Variants in GOLGA8B observed in about 807,000 individuals in gnomAD.
GOLGA8B encodes the protein golgin A8 family member B.
Under a neutral mutation model 15.6 loss-of-function variants are expected in GOLGA8B, and 1 was observed. That is an observed-to-expected ratio of 0.06 (90% CI 0.02 to 0.30). GOLGA8B has a LOEUF of 0.30. GOLGA8B is among the 10% of genes least tolerant of loss of function. The probability of loss-of-function intolerance (pLI) is 1.00; values close to 1 mark genes in which losing one functional copy is unlikely to be tolerated. For missense variants in GOLGA8B, 17 were observed against 201.3 expected (o/e 0.08, Z 5.54); for synonymous variants, 9 against 80.3 (o/e 0.11, Z 4.75).
chr15:34,578,431 T>C (rs762672340), intron 1 of GOLGA8B, among the ~76,000 whole-genome samples: 3 of 152,130 alleles, frequency 2.0e-5, no homozygotes, highest in Non-Finnish European at 4.4e-5. Context: ...GTCCTAGTCA[T>C]GCCCACCCCG....
At chr15:34,564,339 A>T in intron 1 of GOLGA8B, among the ~76,000 whole-genome samples, 2 of 127,408 alleles carry the variant, frequency 1.6e-5, no homozygotes, top group Non-Finnish European at 1.7e-5. Context: ...AGTTAGTTGT[A>T]GTAACTGTAG....
At chr15:34,569,803 C>A (rs1471062792) in intron 1 of GOLGA8B, among the ~76,000 whole-genome samples, 8 of 150,852 alleles carry the variant, frequency 5.3e-5, no homozygotes, top group Non-Finnish European at 1.2e-4. Flanking sequence ...CTCACAGCAA[C>A]TGGCAGCTCC....
chr15:34,561,312 A>G (rs77710594), intron 1 of GOLGA8B, among the ~76,000 whole-genome samples: 9,437 of 145,568 alleles, frequency 0.065, 69 homozygotes, highest in South Asian at 0.17. Context: ...GTAGTAATAC[A>G]CTTGTAACAT....
chr15:34,573,619 T>C, intron 1 of GOLGA8B, among the ~76,000 whole-genome samples: 1 of 151,798 alleles, frequency 6.6e-6, no homozygotes, highest in Non-Finnish European at 1.5e-5. Flanking sequence ...ATCGAGTCCG[T>C]TTTTCTGAAA....
At chr15:34,543,180 T>A (rs1888239581) in intron 7 of GOLGA8B, among the ~76,000 whole-genome samples, 1 of 107,518 alleles carries the variant, frequency 9.3e-6, no homozygotes, top group African/African-American at 3.6e-5. Flanking sequence ...ATTTTATATT[T>A]CCTTATTTCA....
chr15:34,579,169 G>A (rs1465574642), intron 1 of GOLGA8B, among the ~76,000 whole-genome samples: 1 of 151,996 alleles, frequency 6.6e-6, no homozygotes, highest in Non-Finnish European at 1.5e-5. Context: ...GCAGGGCCAG[G>A]CTGGAACTGA....
At chr15:34,577,176 G>C (rs1339088913) in intron 1 of GOLGA8B, among the ~76,000 whole-genome samples, 2 of 152,080 alleles carry the variant, frequency 1.3e-5, no homozygotes, top group African/African-American at 4.8e-5. Context: ...ACAGATGCTA[G>C]AGCACATGGC....
intron 1 of GOLGA8B, among the ~76,000 whole-genome samples, chr15:34,582,018 C>A (rs149285849): frequency 1.3e-5 from 2 of 152,282 alleles, no homozygotes; most frequent in East Asian, 3.9e-4. Context: ...GCAAGTTCCA[C>A]GTGTCCTTAA....
In GOLGA8B at chr15:34,526,381, A is replaced by G. The variant is rs1888058693; in HGVS notation, c.*1251T>C. On this transcript the variant is annotated 3_prime_UTR_variant, in exon 24 of 24. Coordinates refer to ENST00000683415, the MANE Select transcript of GOLGA8B (RefSeq NM_001023567.5). ...ATAATAATGTTTGTTATTATTTTCT[A>G]AAGTGTTTTCCACTCAAGGAAAAGA... 1 of 149,306 alleles carries G rather than the reference A, an allele frequency of 6.7e-6. No individual in the cohort carries two copies. The highest frequency in any genetic ancestry group is 1.5e-5 in the Non-Finnish European group (1 of 67,280). 9.2% of individuals were successfully genotyped at this position (149,306 alleles called of 1,614,324 possible). A position where few individuals can be genotyped will look rare whatever the true frequency, so the allele number is the denominator to read the frequency against.
Position 34,574,587 on chromosome 15 carries a change from A to G in GOLGA8B, c.-1123+8929T>C, listed in dbSNP as rs190589263. ...CACAAAGTGCTGGGATTACAGCATG[A>G]ACCACCGTGCCCAGCCTTCAAATCA... On this transcript the variant is annotated intron_variant, in intron 1 of 23. Transcript: ENST00000683415. Among the ~76,000 whole-genome samples, 7 of 152,184 alleles carry G rather than the reference A, an allele frequency of 4.6e-5. No individual in the cohort carries two copies. In the East Asian group the frequency reaches 1.4e-3, roughly 29 times the overall value.
chr15:34,573,362 T>C (rs200799959), intron 1 of GOLGA8B, among the ~76,000 whole-genome samples: 4 of 148,418 alleles, frequency 2.7e-5, no homozygotes, highest in African/African-American at 7.4e-5. Flanking sequence ...CACGGTGAAA[T>C]CTCGTCTGTA....
intron 1 of GOLGA8B, among the ~76,000 whole-genome samples, chr15:34,573,408 G>A (rs1273805940): frequency 6.6e-6 from 1 of 151,826 alleles, no homozygotes; most frequent in Admixed American, 6.6e-5. Flanking sequence ...GGGGTGGCGG[G>A]CGCCTGTAGT....
intron 1 of GOLGA8B, among the ~76,000 whole-genome samples, chr15:34,567,409 C>T (rs3853306): frequency 0.18 from 25,990 of 148,220 alleles, 2,518 homozygotes; most frequent in Non-Finnish European, 0.25. Context: ...TGACATTTGC[C>T]CTGGGAGATG....
At chr15:34,550,799 G>T (rs1485320142) in intron 4 of GOLGA8B, among the ~76,000 whole-genome samples, 1 of 139,958 alleles carries the variant, frequency 7.1e-6, no homozygotes, top group Non-Finnish European at 1.5e-5. Flanking sequence ...TTCAAGACCA[G>T]CATGATCAAC....
chr15:34,543,071 G>GT (rs1289543135), intron 7 of GOLGA8B, among the ~76,000 whole-genome samples: 1 of 90,582 alleles, frequency 1.1e-5, no homozygotes, highest in African/African-American at 4.5e-5. Context: ...ATCTCTCTGT[G>GT]TAACATATGG....
intron 1 of GOLGA8B, among the ~76,000 whole-genome samples, chr15:34,563,560 CT>C (rs1201678141): frequency 1.4e-5 from 2 of 147,950 alleles, no homozygotes; most frequent in Middle Eastern, 3.5e-3. Context: ...AACCCCATCC[CT>C]TTTTTTTGGT....
chr15:34,565,260 C>T lies in GOLGA8B; in HGVS notation c.-1122-11304G>A, dbSNP rs1294642925. Reference sequence around the variant, plus strand: ...AAGCAATTCTGTGGCCTCAGCCTCCCTAGTAGCTGGGATTACAGGCGTCCG... The same window carrying T: ...AAGCAATTCTGTGGCCTCAGCCTCCTTAGTAGCTGGGATTACAGGCGTCCG... On this transcript the variant is annotated intron_variant, in intron 1 of 23. Coordinates refer to ENST00000683415, the MANE Select transcript of GOLGA8B (RefSeq NM_001023567.5). Among the ~76,000 whole-genome samples, 18 of 140,904 alleles carry T rather than the reference C, an allele frequency of 1.3e-4. 4 individuals are homozygous for T. Among genetic ancestry groups the T allele is most frequent in the Non-Finnish European group, 2.9e-4 (18 of 61,568 alleles). The allele number at this position is 140,904 out of a possible 152,430, so 92.4% of individuals were successfully genotyped here. A position where few individuals can be genotyped will look rare whatever the true frequency, so the allele number is the denominator to read the frequency against.
Position 34,583,589 on chromosome 15 carries a change from G to A in GOLGA8B, c.-1196C>T, listed in dbSNP as rs975619033. The A allele has an allele frequency of 5.2e-5, 8 of 152,512 alleles. No homozygotes were observed. Among genetic ancestry groups the A allele is most frequent in the African/African-American group, 1.9e-4 (8 of 41,562 alleles). The allele number at this position is 152,512 out of a possible 1,614,324, so 9.4% of individuals were successfully genotyped here. On this transcript the variant is annotated 5_prime_UTR_variant, in exon 1 of 24. Coordinates refer to ENST00000683415, the MANE Select transcript of GOLGA8B (RefSeq NM_001023567.5). ...AGCCGCCGGCTCCGTCCGGGAGGCT[G>A]AGCTCCTTGAGAGCCCGCACGTAGC...
chr15:34,577,235 C>T (rs1053549884), intron 1 of GOLGA8B, among the ~76,000 whole-genome samples: 16 of 152,062 alleles, frequency 1.1e-4, no homozygotes, highest in Non-Finnish European at 1.9e-4. Context: ...GTTTTAATTG[C>T]ACAATGCACA....
Sources: gnomAD v4.1 joint callset for allele counts (sites outside exome capture counted in the v4.1 genomes callset) on GRCh38, gnomAD v4.1.1 for gene constraint, MANE v1.5 for transcripts, NCBI Gene and HGNC (gene_info 2026-07-23, HGNC 2026-07-21) for gene names.